The following CLCF1 variants were observed in gnomAD, a reference collection of about 807,000 sequenced individuals.
The protein encoded by CLCF1 is cardiotrophin-like cytokine factor 1.
A neutral mutation model predicts 21.2 loss-of-function variants in CLCF1; 10 were observed. That is an observed-to-expected ratio of 0.47 (90% CI 0.29 to 0.80). The LOEUF (loss-of-function observed/expected upper bound fraction) is 0.80. Ranked by LOEUF, CLCF1 falls within the 30% of genes least tolerant of loss-of-function variation. The pLI is 0.09. For missense variants in CLCF1, 240 were observed against 293.4 expected (o/e 0.82, Z 1.33); for synonymous variants, 115 against 120.5 (o/e 0.95, Z 0.30).
Position 67,365,588 on chromosome 11 carries a change from G to C in CLCF1, c.226C>G (p.Pro76Ala), listed in dbSNP as rs765776881. The C allele has an allele frequency of 3.7e-6, 6 of 1,613,416 alleles. No homozygotes were observed. The highest frequency in any genetic ancestry group is 2.2e-5 in the South Asian group (2 of 91,072). The stretch of plus-strand genomic sequence containing the variant: ...AGAGTCTCTGCCCCCAGGCGGGGAG[G>C]GTTGAAGTCTGGCTCGTTGAAAGGG... The part of the protein sequence containing the change: ...GPPFNEPDFN[P>A]PRLGAETLPR... Residue 76 changes from proline (P) to alanine (A), a missense_variant, in exon 3 of 3, where the codon CCT becomes GCT. Pro to Ala is a conservative substitution (Grantham distance 27). Transcript: ENST00000312438. This position sits in a 1 kb window ranked among gnomAD's most constrained non-coding sequence, Gnocchi z 5.0.
chr11:67,373,320 C>T (rs975459985), intron 1 of CLCF1, among the ~76,000 whole-genome samples: 2 of 152,004 alleles, frequency 1.3e-5, no homozygotes, highest in Non-Finnish European at 2.9e-5. Context: ...CCGGCCACCT[C>T]CTGGCCCCGC....
rs1335364590 is a variant in CLCF1 at position 67,370,013 on chromosome 11, C to T, written c.17-2387G>A. 22 of 971,668 alleles carry T rather than the reference C, an allele frequency of 2.3e-5. No homozygotes were observed. The Admixed American group carries it at 3.2e-4, about 14-fold the overall frequency. The allele number at this position is 971,668 out of a possible 1,614,324, so 60.2% of individuals were successfully genotyped here. ...GAGGTAACTGTGTCGTTGCAGGCTG[C>T]GGGTGGGGGGCAGGGGAGAACAGAA... On this transcript the variant is annotated intron_variant, in intron 1 of 2. Coordinates refer to ENST00000312438, the MANE Select transcript of CLCF1 (RefSeq NM_013246.3).
In CLCF1 at chr11:67,365,950, G is replaced by C. The variant is rs1862086992; in HGVS notation, c.184-320C>G. 6.6e-6 allele frequency among the ~76,000 whole-genome samples: 1 copy of C among 152,202 alleles called. No homozygotes were observed. Among genetic ancestry groups the C allele is most frequent in the Admixed American group, 6.5e-5 (1 of 15,288 alleles). ...CAAACCTTGGGAGAGTGCCCGCTGT[G>C]GGGGCAGGACAGAGAGGAAGAGGAG... On this transcript the variant is annotated intron_variant, in intron 2 of 2. Coordinates refer to ENST00000312438, the MANE Select transcript of CLCF1 (RefSeq NM_013246.3). The surrounding 1 kb of genome is among the most constrained non-coding windows in gnomAD (Gnocchi z 5.0).
chr11:67,370,390 C>T, intron 1 of CLCF1: 2 of 984,170 alleles, frequency 2.0e-6, no homozygotes, highest in Non-Finnish European at 2.4e-6. Flanking sequence ...CTCCCCCTCC[C>T]CACCAGTCCT....
At chr11:67,366,759 C>T (rs944166734) in intron 2 of CLCF1, among the ~76,000 whole-genome samples, 2 of 152,066 alleles carry the variant, frequency 1.3e-5, no homozygotes, top group African/African-American at 4.8e-5. Context: ...CACCCTCCTC[C>T]CTTTTCTTTC....
At chr11:67,367,347 G>A in intron 2 of CLCF1, 113 bp downstream of exon 2, 1 of 1,526,758 alleles carries the variant, frequency 6.5e-7, no homozygotes, top group East Asian at 2.3e-5. Context: ...ACTGGTGGGA[G>A]CCAAAGAGCC....
In CLCF1 at chr11:67,367,599, A is replaced by G. The variant is rs1862139572; in HGVS notation, c.44T>C (p.Leu15Pro). 1 of 1,613,714 alleles carries G rather than the reference A, an allele frequency of 6.2e-7. No homozygotes were observed. Among genetic ancestry groups the G allele is most frequent in the Non-Finnish European group, 8.5e-7 (1 of 1,179,948 alleles). ...AGGGAGGTGCCAGAGCACCGTGCAC[A>G]GGCACGCTAACATCCCCCACGAGTC... Reference protein sequence around the residue: ...AGDSWGMLACLCTVLWHLPAV... With the variant: ...AGDSWGMLACPCTVLWHLPAV... Residue 15 changes from leucine (L) to proline (P), a missense_variant, in exon 2 of 3, where the codon CTG (leucine) becomes CCG (proline). Leu to Pro is a moderately conservative substitution (Grantham distance 98). Coordinates refer to ENST00000312438, the MANE Select transcript of CLCF1 (RefSeq NM_013246.3).
In CLCF1 at chr11:67,365,555, C is replaced by A. The variant is rs979639960; in HGVS notation, c.259G>T (p.Ala87Ser). Residue 87 changes from alanine to serine, a missense_variant, in exon 3 of 3, where the codon GCC becomes TCC. Transcript: ENST00000312438. This position sits in a 1 kb window ranked among gnomAD's most constrained non-coding sequence, Gnocchi z 5.0. ...PRLGAETLPRATVDLEVWRSL... is the reference protein window; with the variant it reads ...PRLGAETLPRSTVDLEVWRSL... The stretch of plus-strand genomic sequence containing the variant: ...CGCCACACCTCCAAGTCAACAGTGG[C>A]CCTGGGCAGAGTCTCTGCCCCCAGG... 2 of 1,613,976 alleles carry A rather than the reference C, an allele frequency of 1.2e-6. No individual in the cohort carries two copies. The highest frequency in any genetic ancestry group is 1.7e-6 in the Non-Finnish European group (2 of 1,179,842).
In CLCF1 at chr11:67,372,358, C is replaced by T. The variant is rs564930169; in HGVS notation, c.16+1166G>A. On this transcript the variant is annotated intron_variant, in intron 1 of 2. Transcript: ENST00000312438. The surrounding 1 kb of genome is among the most constrained non-coding windows in gnomAD (Gnocchi z 5.9). ...GTCTGTGGGGAGGGCTCCAGAAGCC[C>T]AGCACGGAGTTGTGGAAAGGAAGGC... Among the ~76,000 whole-genome samples the T allele has an allele frequency of 6.6e-6, 1 of 152,194 alleles. No individual in the cohort carries two copies. The highest frequency in any genetic ancestry group is 2.4e-5 in the African/African-American group (1 of 41,544).
At position 67,373,557 on chromosome 11, in the gene CLCF1, G is replaced by A. The variant is rs1316908139; in HGVS notation, c.-18C>T. ...AGGTCCATGGGGCTGGGGCCGGGCC[G>A]GCCGGGTGCGGCTCCTCTCCCGGAG... is the stretch of plus-strand genomic sequence containing the variant. On this transcript the variant is annotated 5_prime_UTR_variant, in exon 1 of 3. Transcript: ENST00000312438. 2.2e-6 allele frequency: 3 copies of A among 1,377,172 alleles called. No homozygotes were observed. The highest frequency in any genetic ancestry group is 1.9e-6 in the Non-Finnish European group (2 of 1,065,270). 85.3% of individuals were successfully genotyped at this position (1,377,172 alleles called of 1,614,324 possible). A position where few individuals can be genotyped will look rare whatever the true frequency, so the allele number is the denominator to read the frequency against.
intron 1 of CLCF1, chr11:67,369,498 T>G (rs1200892391): frequency 2.0e-6 from 2 of 985,286 alleles, no homozygotes; most frequent in African/African-American, 3.5e-5. Flanking sequence ...CTCAGTTCCT[T>G]TCTCCTCCCT....
intron 1 of CLCF1, chr11:67,368,052 G>C: frequency 2.0e-6 from 2 of 985,390 alleles, no homozygotes; most frequent in Non-Finnish European, 2.4e-6. Context: ...CTTGAGGGGA[G>C]TCAGAGGGTG....
At chr11:67,369,482 G>A (rs1205051228) in intron 1 of CLCF1, 1 of 985,232 alleles carries the variant, frequency 1.0e-6, no homozygotes, top group East Asian at 1.1e-4. Flanking sequence ...CCCAGCTCTT[G>A]CCTGACTCAG....
chr11:67,368,318 G>A, intron 1 of CLCF1: 4 of 985,340 alleles, frequency 4.1e-6, no homozygotes, highest in Non-Finnish European at 3.6e-6. Flanking sequence ...CAGTGTGGAG[G>A]TTCACCCCGT....
At chr11:67,373,476 G>T in intron 1 of CLCF1, 48 bp downstream of exon 1, 1 of 1,046,088 alleles carries the variant, frequency 9.6e-7, no homozygotes, top group Non-Finnish European at 1.4e-6. Flanking sequence ...CGGATCTCGT[G>T]GCTGCTTGGC....
chr11:67,370,333 T>A (rs955093996), intron 1 of CLCF1: 6 of 985,210 alleles, frequency 6.1e-6, no homozygotes, highest in Non-Finnish European at 7.2e-6. Flanking sequence ...CAGGCTCATG[T>A]TGTGCAGGTG....
In CLCF1 at chr11:67,365,060, G is replaced by A; in HGVS notation, c.*76C>T. The A allele has an allele frequency of 1.2e-6, 2 of 1,604,900 alleles. No homozygotes were observed. Among genetic ancestry groups the A allele is most frequent in the Non-Finnish European group, 1.7e-6 (2 of 1,178,776 alleles). On this transcript the variant is annotated 3_prime_UTR_variant, in exon 3 of 3. Transcript: ENST00000312438. This position sits in a 1 kb window ranked among gnomAD's most constrained non-coding sequence, Gnocchi z 5.0. The stretch of plus-strand genomic sequence containing the variant: ...CAGCTTCTGTCTCCTGGCTCAACAG[G>A]TGTTGGCATACAGGGCTGGCTCTCA...
chr11:67,367,891 G>A, intron 1 of CLCF1: 1 of 985,424 alleles, frequency 1.0e-6, no homozygotes, highest in Non-Finnish European at 1.2e-6. Flanking sequence ...TGTGTCAGCT[G>A]AGAGAGTCTT....
At position 67,370,419 on chromosome 11, in the gene CLCF1, C is replaced by T. The variant is rs898847092; in HGVS notation, c.17-2793G>A. The T allele has an allele frequency of 1.3e-5, 13 of 984,956 alleles. No individual in the cohort carries two copies. The Admixed American group carries it at 1.8e-4, about 14-fold the overall frequency. The allele number at this position is 984,956 out of a possible 1,614,324, so 61.0% of individuals were successfully genotyped here. On this transcript the variant is annotated intron_variant, in intron 1 of 2. Transcript: ENST00000312438. ...CAGTCCTGGCCCCCAGCCCGGCCCC[C>T]GCCCCAGCTCTGCCTCTGGCTGCTG...
Sources: gnomAD v4.1 joint callset for allele counts (sites outside exome capture counted in the v4.1 genomes callset) on GRCh38, gnomAD v4.1.1 for gene constraint, Gnocchi (gnomAD v3.1) non-coding constraint, MANE v1.5 for transcripts, NCBI Gene and HGNC (gene_info 2026-07-23, HGNC 2026-07-21) for gene names.